TLR6: variants seen among roughly 807,000 people sequenced by gnomAD.
The protein encoded by TLR6 is toll-like receptor 6.
Under a neutral mutation model 16.1 loss-of-function variants are expected in TLR6, and 9 were observed. That is an observed-to-expected ratio of 0.56 (90% CI 0.34 to 0.98). The LOEUF (loss-of-function observed/expected upper bound fraction) is 0.98. Ranked by LOEUF, TLR6 falls within the 50% of genes least tolerant of loss-of-function variation. The probability of loss-of-function intolerance (pLI) is 0.02; values close to 1 mark genes in which losing one functional copy is unlikely to be tolerated. For synonymous variants in TLR6, 340 were observed against 338.6 expected (o/e 1.00, Z -0.04); for missense variants, 786 against 921.0 (o/e 0.85, Z 1.90).
chr4:38,855,226 A>AAG (rs1394514396), intron 1 of TLR6, among the ~76,000 whole-genome samples: 125 of 151,876 alleles, frequency 8.2e-4, no homozygotes, highest in African/African-American at 2.9e-3. Flanking sequence ...AAAAAAAAAA[A>AAG]AAATTATATA....
intron 1 of TLR6, among the ~76,000 whole-genome samples, chr4:38,856,314 A>C (rs942654833): frequency 3.9e-5 from 6 of 152,254 alleles, no homozygotes; most frequent in Non-Finnish European, 7.3e-5. Context: ...ACAGACACAG[A>C]CCAGCAAACT....
exon 2 of TLR6, chr4:38,828,860 G>T: frequency 6.2e-7 from 1 of 1,613,844 alleles, no homozygotes; most frequent in South Asian, 1.1e-5. Flanking sequence ...TAAACTAGTT[G>T]GGTGAAAAAC....
intron 1 of TLR6, among the ~76,000 whole-genome samples, chr4:38,855,689 G>A (rs17429224): frequency 0.24 from 36,609 of 151,922 alleles, 4,917 homozygotes; most frequent in Non-Finnish European, 0.28. Flanking sequence ...CTGTCCTTAT[G>A]GTATCCTGCC....
At chr4:38,828,801 G>T (rs745501248) in exon 2 of TLR6, 1 of 1,613,880 alleles carries the variant, frequency 6.2e-7, no homozygotes, top group Non-Finnish European at 8.5e-7. Context: ...ATATTAGTCA[G>T]TTGTAAGCAC....
intron 1 of TLR6, among the ~76,000 whole-genome samples, chr4:38,836,720 C>T (rs994132026): frequency 6.6e-6 from 1 of 152,114 alleles, no homozygotes; most frequent in Admixed American, 6.5e-5. Context: ...GGGCAGATCA[C>T]CTGAGGTCAG....
upstream of TLR6, among the ~76,000 whole-genome samples, chr4:38,861,257 A>G (rs1369110078): frequency 6.6e-6 from 1 of 152,080 alleles, no homozygotes; most frequent in East Asian, 1.9e-4. Flanking sequence ...TTCCATAGCT[A>G]CATAGAGACT....
At chr4:38,856,997 T>TA (rs1288443566), upstream of TLR6, among the ~76,000 whole-genome samples, 1 of 152,254 alleles carries the variant, frequency 6.6e-6, no homozygotes, top group Admixed American at 6.5e-5. Flanking sequence ...TCCAATTTTC[T>TA]AATTCGTGTG....
exon 2 of TLR6, chr4:38,825,737 G>A (rs572260288): frequency 6.6e-6 from 1 of 152,238 alleles, no homozygotes; most frequent in South Asian, 2.1e-4. Flanking sequence ...CTACCCTGTT[G>A]GCTGATATCC....
chr4:38,853,272 G>A (rs112608049), intron 1 of TLR6, among the ~76,000 whole-genome samples: 2 of 146,046 alleles, frequency 1.4e-5, no homozygotes, highest in Non-Finnish European at 3.0e-5. Context: ...GGAGATATAC[G>A]TAATGTAAAT....
At chr4:38,849,357 G>A (rs1420580660) in intron 1 of TLR6, among the ~76,000 whole-genome samples, 7 of 152,202 alleles carry the variant, frequency 4.6e-5, no homozygotes, top group Non-Finnish European at 8.8e-5. Flanking sequence ...ATGCTAGGAA[G>A]AAACTGCATC....
rs748636901 is a variant in TLR6 at position 38,829,049 on chromosome 4, A to G, written c.425T>C (p.Phe142Ser). ...GAAATTCAGTTGTGATAAGTTGCCA[A>G]ATTCCTTACAGATGGGCAGGGCCTT... The change falls in exon 2 of 2, where the codon TTT becomes TCT. Residue 142 changes from phenylalanine to serine, a missense_variant. By Grantham distance (155) the Phe-to-Ser change is radical. Transcript: ENST00000436693. 9 of 1,614,196 alleles carry G rather than the reference A, an allele frequency of 5.6e-6. No individual in the cohort carries two copies. In the East Asian group the frequency reaches 6.7e-5, roughly 12 times the overall value.
At chr4:38,855,646 G>GA (rs35322096) in intron 1 of TLR6, among the ~76,000 whole-genome samples, 2,498 of 152,288 alleles carry the variant, frequency 0.016, 35 homozygotes, top group Non-Finnish European at 0.025. Flanking sequence ...TCATGGGACT[G>GA]AAAATCAGTC....
intron 1 of TLR6, among the ~76,000 whole-genome samples, chr4:38,850,100 G>C (rs1712705084): frequency 6.6e-6 from 1 of 152,166 alleles, no homozygotes; most frequent in Admixed American, 6.5e-5. Context: ...CAACTACATG[G>C]AAACTGAACA....
chr4:38,855,893 T>G (rs1712964337), intron 1 of TLR6, among the ~76,000 whole-genome samples: 1 of 152,120 alleles, frequency 6.6e-6, no homozygotes, highest in Admixed American at 6.6e-5. Context: ...GCTCTTGATT[T>G]TTTAAATGCA....
exon 2 of TLR6, chr4:38,825,167 A>G (rs1727486894): frequency 6.6e-6 from 1 of 152,188 alleles, no homozygotes; most frequent in Non-Finnish European, 1.5e-5. Flanking sequence ...TTGCCTTACA[A>G]CAAAGTTCTG....
chr4:38,855,948 A>AC (rs202002091), intron 1 of TLR6, among the ~76,000 whole-genome samples: 2,198 of 152,326 alleles, frequency 0.014, 42 homozygotes, highest in East Asian at 0.066. Flanking sequence ...GCTACATTTC[A>AC]GAAAAAAAGG....
At chr4:38,867,207 C>A in the TLR6 span, among the ~76,000 whole-genome samples, 1 of 152,204 alleles carries the variant, frequency 6.6e-6, no homozygotes, top group Non-Finnish European at 1.5e-5. Flanking sequence ...CTCCGGCTTC[C>A]CCCCGCAGAA....
intron 1 of TLR6, among the ~76,000 whole-genome samples, chr4:38,854,965 T>G (rs1225130607): frequency 3.9e-5 from 6 of 152,128 alleles, no homozygotes; most frequent in Non-Finnish European, 8.8e-5. Flanking sequence ...ATCCCAGCAC[T>G]TTGGGAGGCC....
chr4:38,867,317 A>C, the TLR6 span, among the ~76,000 whole-genome samples: 2 of 152,234 alleles, frequency 1.3e-5, no homozygotes, highest in Admixed American at 1.3e-4. Context: ...AAGCTAATAC[A>C]TCGGAGTTTT....
Sources: allele counts gnomAD v4.1 joint callset (sites outside exome capture counted in the v4.1 genomes callset), GRCh38; gene constraint gnomAD v4.1.1; transcripts MANE v1.5; gene names NCBI Gene and HGNC (gene_info 2026-07-23, HGNC 2026-07-21).